The following RTTN variants were observed in gnomAD, a reference collection of about 807,000 sequenced individuals.
The protein encoded by RTTN is rotatin.
Under a neutral mutation model 269.2 loss-of-function variants are expected in RTTN, and 182 were observed. That is an observed-to-expected ratio of 0.68 (90% CI 0.60 to 0.76). The LOEUF is 0.76. Among genes scored for constraint, RTTN ranks in the 30% least tolerant of loss-of-function variants. The probability of loss-of-function intolerance (pLI) is 0.00; values close to 1 mark genes in which losing one functional copy is unlikely to be tolerated. For missense variants in RTTN, 2,545 were observed against 2,608.6 expected (o/e 0.98, Z 0.53); for synonymous variants, 1,006 against 963.5 (o/e 1.04, Z -0.82).
At chr18:70,142,437 A>T in intron 18 of RTTN, 50 bp from the exon 19 acceptor site, 1 of 1,020,528 alleles carries the variant, frequency 9.8e-7, no homozygotes, top group Non-Finnish European at 1.5e-6. Flanking sequence ...TCTGCTTCCA[A>T]TTCTCCAATA....
chr18:70,109,359 A>G, intron 28 of RTTN, 139 bp downstream of exon 28: 1 of 591,832 alleles, frequency 1.7e-6, no homozygotes, highest in South Asian at 2.9e-5. Context: ...AAAAATCACT[A>G]AAACATTTCA....
At chr18:70,164,438 T>A (rs2060933526) in intron 14 of RTTN, among the ~76,000 whole-genome samples, 1 of 151,922 alleles carries the variant, frequency 6.6e-6, no homozygotes, top group South Asian at 2.1e-4. Flanking sequence ...GGTCTCAAAC[T>A]CCTGGGCTCC....
At chr18:70,102,468 T>C (rs1294695907) in intron 28 of RTTN, among the ~76,000 whole-genome samples, 1 of 152,200 alleles carries the variant, frequency 6.6e-6, no homozygotes, top group Non-Finnish European at 1.5e-5. Context: ...TGTATGTCTC[T>C]GCACGTGAGA....
At chr18:70,115,393 AATAG>A (rs1199427590) in intron 26 of RTTN, among the ~76,000 whole-genome samples, 1 of 151,946 alleles carries the variant, frequency 6.6e-6, no homozygotes, top group Non-Finnish European at 1.5e-5. Context: ...CTAAAAAAAA[AATAG>A]ATAAAGGAAT....
chr18:70,076,254 G>A (rs961842253), intron 32 of RTTN, among the ~76,000 whole-genome samples: 3 of 151,980 alleles, frequency 2.0e-5, no homozygotes, highest in Non-Finnish European at 4.4e-5. Flanking sequence ...CCTACCATTA[G>A]TTTATAAATA....
At chr18:70,089,011 T>C (rs1435761792) in intron 30 of RTTN, among the ~76,000 whole-genome samples, 1 of 152,212 alleles carries the variant, frequency 6.6e-6, no homozygotes, top group African/African-American at 2.4e-5. Context: ...TCCTTTTTAT[T>C]TTTTTCAAAA....
chr18:70,121,419 G>C (rs140978547), intron 26 of RTTN, 137 bp downstream of exon 26: 14 of 646,742 alleles, frequency 2.2e-5, no homozygotes, highest in East Asian at 6.4e-5. Context: ...ATGTTGTTAT[G>C]AGCCATTCAT....
At chr18:70,103,724 C>G (rs1227284453) in intron 28 of RTTN, among the ~76,000 whole-genome samples, 2 of 145,098 alleles carry the variant, frequency 1.4e-5, no homozygotes, top group Non-Finnish European at 3.0e-5. Flanking sequence ...CCACATCCCC[C>G]TCTCCGAGAA....
rs1244802772 is a variant in RTTN, at chr18:70,197,620, T to C, written c.693+4A>G. ...AATCTAAAACAATTATAGAGGGCAC[T>C]GACCTGAACAATTTTTGGCCTTTGA... is the stretch of plus-strand genomic sequence containing the variant. On this transcript the variant is annotated splice_donor_region_variant and intron_variant, in intron 6 of 48. Transcript: ENST00000640769. The C allele has an allele frequency of 3.2e-6, 5 of 1,581,234 alleles. No individual in the cohort carries two copies. In the South Asian group the frequency reaches 4.4e-5, roughly 14 times the overall value.
chr18:70,084,441 T>C lies in RTTN; in HGVS notation c.4374+2172A>G, dbSNP rs115934523. 5.1e-3 allele frequency among the ~76,000 whole-genome samples: 769 copies of C among 152,250 alleles called. 8 individuals are homozygous for C. Among genetic ancestry groups the C allele is most frequent in the African/African-American group, 0.017 (722 of 41,564 alleles). On this transcript the variant is annotated intron_variant, in intron 32 of 48. Coordinates refer to ENST00000640769, the MANE Select transcript of RTTN (RefSeq NM_173630.4). ...TGGCTATGTGGCCCCTTTTTCATGG[T>C]TGCAAAGGACCATGTGCCCCACTAG... is the stretch of plus-strand genomic sequence containing the variant.
At position 70,092,121 on chromosome 18, in the gene RTTN, G is replaced by A. The variant is rs367785889; in HGVS notation, c.4132C>T (p.Arg1378Trp). The stretch of plus-strand genomic sequence containing the variant: ...TCCTTCACACTCACCTCTGGGTCCC[G>A]ATCAACCCATAATGGAATCAACCAA... The part of the protein sequence containing the change: ...LAWLIPLWVD[R>W]DPEVRFTSLG... Residue 1378 changes from arginine to tryptophan, a missense_variant, in exon 30 of 49, where the codon CGG becomes TGG. By Grantham distance (101) the Arg-to-Trp change is moderately radical (BLOSUM62 -3). Coordinates refer to ENST00000640769, the MANE Select transcript of RTTN (RefSeq NM_173630.4). 37 of 1,605,378 alleles carry A rather than the reference G, an allele frequency of 2.3e-5. No individual in the cohort carries two copies. Among genetic ancestry groups the A allele is most frequent in the African/African-American group, 1.2e-4 (9 of 74,608 alleles).
At chr18:70,141,608 C>T (rs2060258801) in intron 19 of RTTN, among the ~76,000 whole-genome samples, 2 of 152,064 alleles carry the variant, frequency 1.3e-5, no homozygotes, top group Admixed American at 1.3e-4. Context: ...GAACATCACA[C>T]TCCCGGGCCT....
At chr18:70,153,029 A>T (rs946392568) in intron 14 of RTTN, among the ~76,000 whole-genome samples, 2 of 152,096 alleles carry the variant, frequency 1.3e-5, no homozygotes, top group African/African-American at 2.4e-5. Flanking sequence ...TGTTCGTGAA[A>T]CACGCAAAGT....
intron 28 of RTTN, among the ~76,000 whole-genome samples, chr18:70,103,054 T>G (rs2059216526): frequency 6.7e-6 from 1 of 149,866 alleles, no homozygotes; most frequent in African/African-American, 2.5e-5. Context: ...CTGTCCCGTC[T>G]GGGAAGTGAG....
intron 36 of RTTN, among the ~76,000 whole-genome samples, chr18:70,058,641 CT>C (rs1225222302): frequency 6.6e-6 from 1 of 152,166 alleles, no homozygotes; most frequent in Admixed American, 6.5e-5. Flanking sequence ...TTTAATGCCC[CT>C]GTGGCCTCAA....
intron 4 of RTTN, 55 bp downstream of exon 4, chr18:70,201,839 A>C: frequency 1.9e-6 from 2 of 1,053,724 alleles, no homozygotes; most frequent in Non-Finnish European, 2.9e-6. Context: ...CGAAAAAAGT[A>C]CATTAATTTT....
rs369864357 is a variant in RTTN, at chr18:70,109,709, G to A, written c.3692C>T (p.Ser1231Leu). 12 of 1,613,572 alleles carry A rather than the reference G, an allele frequency of 7.4e-6. No homozygotes were observed. Among genetic ancestry groups the A allele is most frequent in the African/African-American group, 1.3e-5 (1 of 74,830 alleles). The change falls in exon 28 of 49, where the codon TCG becomes TTG. Residue 1231 changes from serine to leucine, a missense_variant. Physicochemically the swap from Ser to Leu is moderately radical, Grantham distance 145 (BLOSUM62 -2). Coordinates refer to ENST00000640769, the MANE Select transcript of RTTN (RefSeq NM_173630.4). ...NFMEVTDRKC[S>L]ELLYVFQTQL... ...CGTTTGAAAAACGTAAAGAAGTTCC[G>A]AGCATTTCCTATGTATGCAAAAGAG... is the stretch of plus-strand genomic sequence containing the variant.
intron 28 of RTTN, among the ~76,000 whole-genome samples, chr18:70,099,606 T>C (rs529392797): frequency 6.6e-6 from 1 of 152,360 alleles, no homozygotes; most frequent in South Asian, 2.1e-4. Context: ...TTGTCTATTT[T>C]GGCTTTTGTT....
Position 70,150,740 on chromosome 18 carries a change from A to G in RTTN, c.1930-7T>C. On this transcript the variant is annotated splice_region_variant and splice_polypyrimidine_tract_variant and intron_variant, in intron 14 of 48. Transcript: ENST00000640769. ...TATGGACACCTAAACATTCCTGTAAAATAATATTAAAAAGTATTTTTAAAT... is the reference window on the plus strand; with the variant it reads ...TATGGACACCTAAACATTCCTGTAAGATAATATTAAAAAGTATTTTTAAAT... The G allele has an allele frequency of 1.9e-6, 3 of 1,561,610 alleles. No individual in the cohort carries two copies. Among genetic ancestry groups the G allele is most frequent in the Non-Finnish European group, 2.6e-6 (3 of 1,150,018 alleles).
Sources: allele counts gnomAD v4.1 joint callset (sites outside exome capture counted in the v4.1 genomes callset), GRCh38; gene constraint gnomAD v4.1.1; transcripts MANE v1.5; gene names NCBI Gene and HGNC (gene_info 2026-07-23, HGNC 2026-07-21).